The following RASA1 variants were observed in gnomAD, a reference collection of about 807,000 sequenced individuals.
The protein encoded by RASA1 is ras GTPase-activating protein 1.
Under a neutral mutation model 132.2 loss-of-function variants are expected in RASA1, and 25 were observed. The ratio of observed to expected loss-of-function variants is 0.19; its 90% CI spans 0.14 to 0.26. The LOEUF (loss-of-function observed/expected upper bound fraction) is 0.26, where lower values mean the gene tolerates loss of function less well. RASA1 is among the 10% of genes least tolerant of loss of function. The pLI, the probability that RASA1 is intolerant of heterozygous loss-of-function variation, is 1.00. For missense variants in RASA1, 964 were observed against 1,299.2 expected (o/e 0.74, Z 3.97); for synonymous variants, 477 against 449.9 (o/e 1.06, Z -0.76).
chr5:87,293,448 A>T (rs1754991578), intron 1 of RASA1, among the ~76,000 whole-genome samples: 1 of 152,144 alleles, frequency 6.6e-6, no homozygotes, highest in Non-Finnish European at 1.5e-5. Flanking sequence ...ATACTGCTTG[A>T]TCATGGTATG....
intron 12 of RASA1, among the ~76,000 whole-genome samples, 187 bp downstream of exon 12, chr5:87,370,087 A>C (rs1254150986): frequency 1.3e-5 from 2 of 152,206 alleles, no homozygotes; most frequent in African/African-American, 4.8e-5. Context: ...AAACAAACAC[A>C]GTGAAGGGTT....
intron 23 of RASA1, 56 bp downstream of exon 23, chr5:87,386,959 TTAACCCA>T (rs1762105746): frequency 1.4e-6 from 2 of 1,415,298 alleles, no homozygotes; most frequent in Non-Finnish European, 2.0e-6. Flanking sequence ...TATAGCTGAG[TTAACCCA>T]TTTAAGCAGC....
At position 87,362,548 on chromosome 5, in the gene RASA1, C is replaced by T. The variant is rs1580354711; in HGVS notation, c.1333-3C>T. The T allele has an allele frequency of 6.3e-7, 1 of 1,587,464 alleles. No homozygotes were observed. The highest frequency in any genetic ancestry group is 1.1e-5 in the South Asian group (1 of 90,366). On this transcript the variant is annotated splice_polypyrimidine_tract_variant and splice_region_variant and intron_variant, in intron 9 of 24. Transcript: ENST00000274376. The stretch of plus-strand genomic sequence containing the variant: ...AATAATTTTAATGTTTTTTAAAATT[C>T]AGGATCAAGAACAAGTACTCAATGA...
chr5:87,352,303 T>TAC (rs142667821), intron 8 of RASA1, among the ~76,000 whole-genome samples: 29,538 of 150,080 alleles, frequency 0.2, 3,571 homozygotes, highest in East Asian at 0.4. Flanking sequence ...TACTTGAAGA[T>TAC]ACACACACAC....
At chr5:87,280,921 A>G (rs886886240) in intron 1 of RASA1, among the ~76,000 whole-genome samples, 6 of 150,248 alleles carry the variant, frequency 4.0e-5, no homozygotes, top group Non-Finnish European at 8.9e-5. Flanking sequence ...ACGCCTGGCT[A>G]ATTTCTTTTT....
At chr5:87,352,445 A>G (rs1395211014) in intron 8 of RASA1, among the ~76,000 whole-genome samples, 1 of 151,756 alleles carries the variant, frequency 6.6e-6, no homozygotes, top group African/African-American at 2.4e-5. Flanking sequence ...CAAGATTTCC[A>G]TATTCAGGAC....
At chr5:87,284,644 TGTA>T (rs1379706095) in intron 1 of RASA1, among the ~76,000 whole-genome samples, 4 of 152,228 alleles carry the variant, frequency 2.6e-5, no homozygotes, top group African/African-American at 9.6e-5. Context: ...TTTGGAATCA[TGTA>T]GTAATTCTCC....
chr5:87,368,842 ATCT>A (rs1274832443), intron 11 of RASA1, among the ~76,000 whole-genome samples: 1 of 152,138 alleles, frequency 6.6e-6, no homozygotes, highest in African/African-American at 2.4e-5. Context: ...GGCTCCTCAA[ATCT>A]TAGCTGCTTT....
intron 24 of RASA1, 50 bp downstream of exon 24, chr5:87,389,577 T>TA (rs1762328229): frequency 4.4e-6 from 7 of 1,600,380 alleles, no homozygotes; most frequent in African/African-American, 1.3e-5. Flanking sequence ...AGATAACACT[T>TA]AGAGAGTTAA....
chr5:87,349,513 A>G (rs1759105464), intron 8 of RASA1, 149 bp downstream of exon 8: 3 of 901,528 alleles, frequency 3.3e-6, no homozygotes, highest in African/African-American at 1.7e-5. Flanking sequence ...GTCATGCCCA[A>G]GAATTCTTTA....
At chr5:87,390,152 G>A (rs1476702244) in intron 24 of RASA1, among the ~76,000 whole-genome samples, 1 of 152,118 alleles carries the variant, frequency 6.6e-6, no homozygotes, top group East Asian at 1.9e-4. Flanking sequence ...GAATTTGAAG[G>A]GACTTAATAC....
rs1761328187 is a variant in RASA1 at position 87,376,375 on chromosome 5, CTTGT to C, written c.2012-15_2012-12del. On this transcript the variant is annotated splice_polypyrimidine_tract_variant and intron_variant, in intron 15 of 24. Coordinates refer to ENST00000274376, the MANE Select transcript of RASA1 (RefSeq NM_002890.3). ...GTGTTCTCTTTTTAAACAATAATTG[CTTGT>C]TTTTCTTCCCAAGTATTTATGCGCT... The C allele has an allele frequency of 2.5e-6, 4 of 1,613,328 alleles. No individual in the cohort carries two copies. The highest frequency in any genetic ancestry group is 3.4e-6 in the Non-Finnish European group (4 of 1,179,614).
intron 18 of RASA1, 66 bp downstream of exon 18, chr5:87,378,604 G>C (rs1447725100): frequency 6.9e-7 from 1 of 1,454,158 alleles, no homozygotes; most frequent in Non-Finnish European, 9.5e-7. Flanking sequence ...ATAATTTGTA[G>C]CCAATTACAT....
chr5:87,277,306 T>C (rs1051169852), intron 1 of RASA1, among the ~76,000 whole-genome samples: 5 of 152,062 alleles, frequency 3.3e-5, no homozygotes, highest in African/African-American at 1.2e-4. Context: ...ACTTAATAGT[T>C]CCCCCCTGTC....
intron 7 of RASA1, among the ~76,000 whole-genome samples, chr5:87,348,835 T>C (rs1239011362): frequency 6.6e-6 from 1 of 151,984 alleles, no homozygotes; most frequent in Non-Finnish European, 1.5e-5. Flanking sequence ...GTCTTCACTT[T>C]TTAGAATCTT....
At chr5:87,368,596 T>C (rs965282116) in intron 11 of RASA1, among the ~76,000 whole-genome samples, 4 of 152,222 alleles carry the variant, frequency 2.6e-5, no homozygotes, top group African/African-American at 4.8e-5. Context: ...AAGGCTGTTC[T>C]ATTTCTGGTT....
At chr5:87,274,469 A>G (rs1753983147) in intron 1 of RASA1, among the ~76,000 whole-genome samples, 2 of 152,176 alleles carry the variant, frequency 1.3e-5, no homozygotes, top group Non-Finnish European at 2.9e-5. Flanking sequence ...GAGACTTGCT[A>G]AGATTAGTTA....
At chr5:87,272,891 A>G (rs1753909068) in intron 1 of RASA1, among the ~76,000 whole-genome samples, 1 of 152,238 alleles carries the variant, frequency 6.6e-6, no homozygotes, top group Non-Finnish European at 1.5e-5. Flanking sequence ...TGGAAGGAAA[A>G]GCCTTAAAGA....
chr5:87,268,404 T>C lies in RASA1; in HGVS notation c.-48T>C. On this transcript the variant is annotated 5_prime_UTR_variant, in exon 1 of 25. Transcript: ENST00000274376. The stretch of plus-strand genomic sequence containing the variant: ...CTCGGAGCCCGGGCCTGGTGGCCCC[T>C]GGGGCTCCCGGGCGGGCAGGGTAGG... 1.3e-6 allele frequency: 2 copies of C among 1,484,458 alleles called. No individual in the cohort carries two copies. The highest frequency in any genetic ancestry group is 1.8e-6 in the Non-Finnish European group (2 of 1,114,052). 92.0% of individuals were successfully genotyped at this position (1,484,458 alleles called of 1,614,324 possible).
Sources: allele counts gnomAD v4.1 joint callset (sites outside exome capture counted in the v4.1 genomes callset), GRCh38; gene constraint gnomAD v4.1.1; transcripts MANE v1.5; gene names NCBI Gene and HGNC (gene_info 2026-07-23, HGNC 2026-07-21).